SLC5A11: variants seen among roughly 807,000 people sequenced by gnomAD.
SLC5A11 encodes the protein solute carrier family 5 member 11, also known as sodium/myo-inositol cotransporter 2.
SLC5A11 carries 48 observed loss-of-function variants against 69.8 expected under a neutral mutation model. That is an observed-to-expected ratio of 0.69 (90% confidence interval 0.55 to 0.87). The LOEUF is 0.87. SLC5A11 is among the 40% of genes least tolerant of loss of function. The pLI, the probability that SLC5A11 is intolerant of heterozygous loss-of-function variation, is 0.00. For missense variants in SLC5A11, 784 were observed against 866.1 expected, an observed-to-expected ratio of 0.91 and a Z score of 1.19; for synonymous variants, 319 against 342.4, an observed-to-expected ratio of 0.93 and a Z score of 0.75.
intron 8 of SLC5A11, among the ~76,000 whole-genome samples, chr16:24,885,071 C>G (rs940089541): frequency 5.3e-5 from 8 of 152,158 alleles, no homozygotes; most frequent in Admixed American, 2.0e-4. Flanking sequence ...CACTAGCCCA[C>G]ACCTAGACTT....
intron 5 of SLC5A11, among the ~76,000 whole-genome samples, chr16:24,872,841 T>G (rs1214477156): frequency 6.7e-6 from 1 of 149,206 alleles, no homozygotes; most frequent in African/African-American, 2.5e-5. Context: ...TTTCTGCTTT[T>G]TGCTAAAAAA....
At chr16:24,882,533 TC>T (rs1453697684) in intron 7 of SLC5A11, among the ~76,000 whole-genome samples, 2 of 152,178 alleles carry the variant, frequency 1.3e-5, no homozygotes, top group Non-Finnish European at 2.9e-5. Flanking sequence ...TGGATAAGTG[TC>T]CCTTCTCCTC....
At chr16:24,902,440 T>G (rs1396252366) in intron 10 of SLC5A11, among the ~76,000 whole-genome samples, 1 of 152,154 alleles carries the variant, frequency 6.6e-6, no homozygotes, top group Non-Finnish European at 1.5e-5. Context: ...ATTCTAAAAC[T>G]TGACTCTTGT....
chr16:24,875,856 T>G, intron 6 of SLC5A11, 125 bp downstream of exon 7: 1 of 790,728 alleles, frequency 1.3e-6, no homozygotes, highest in Non-Finnish European at 2.1e-6. Context: ...TGCAGGGAGA[T>G]TAGAGGAAGA....
chr16:24,895,800 C>G (rs1895362), intron 9 of SLC5A11, among the ~76,000 whole-genome samples: 4,885 of 152,244 alleles, frequency 0.032, 271 homozygotes, highest in African/African-American at 0.11. Context: ...TTCACACTGT[C>G]CTTGAGCACA....
intron 3 of SLC5A11, among the ~76,000 whole-genome samples, chr16:24,868,021 C>T (rs112605062): frequency 0.03 from 4,524 of 151,522 alleles, 220 homozygotes; most frequent in African/African-American, 0.1. Context: ...CTTGTAATCC[C>T]GGCTACTCAG....
chr16:24,875,728 C>A (rs1397959526), exon 6 of SLC5A11: 4 of 1,613,006 alleles, frequency 2.5e-6, no homozygotes, highest in Non-Finnish European at 1.7e-6. Flanking sequence ...TCACCAAGAT[C>A]TCGGTAAGGC....
At chr16:24,904,041 A>C (rs1366745204) in intron 10 of SLC5A11, among the ~76,000 whole-genome samples, 1 of 152,228 alleles carries the variant, frequency 6.6e-6, no homozygotes, top group Non-Finnish European at 1.5e-5. Flanking sequence ...TGGTGGCAGG[A>C]GAGAGAAGTC....
intron 10 of SLC5A11, among the ~76,000 whole-genome samples, chr16:24,898,802 G>T (rs973196542): frequency 1.3e-5 from 2 of 152,076 alleles, no homozygotes; most frequent in African/African-American, 4.8e-5. Context: ...ACAGGCGTAA[G>T]CCACCATGCC....
intron 6 of SLC5A11, 60 bp from the exon 8 acceptor site, chr16:24,877,198 A>G: frequency 6.3e-7 from 1 of 1,597,800 alleles, no homozygotes; most frequent in Non-Finnish European, 8.5e-7. Flanking sequence ...CTGTGCTGCA[A>G]ATGTCCACTC....
chr16:24,906,962 C>T lies in SLC5A11; in HGVS notation c.1115-63C>T, dbSNP rs2050112526. 6 of 1,583,978 alleles carry T rather than the reference C, an allele frequency of 3.8e-6. No homozygotes were observed. In the Admixed American group the frequency reaches 8.8e-5, roughly 23 times the overall value. ...GAGGTTCTGCCTCCTCCAGTTGAGC[C>T]CACTGGGATCGGCTGCTTTGGCAGA... On this transcript the variant is annotated intron_variant, in intron 11 of 15. Transcript: ENST00000347898.
At chr16:24,848,036 G>C (rs950807159) in intron 1 of SLC5A11, among the ~76,000 whole-genome samples, 10 of 152,186 alleles carry the variant, frequency 6.6e-5, no homozygotes, top group African/African-American at 1.4e-4. Context: ...GAGGCCAAGA[G>C]GGGGCTCCTT....
At chr16:24,883,994 A>G in intron 7 of SLC5A11, 57 bp from the exon 9 acceptor site, 7 of 1,535,878 alleles carry the variant, frequency 4.6e-6, no homozygotes, top group Non-Finnish European at 6.3e-6. Context: ...TTGGTGACCC[A>G]GAGTAACCCC....
intron 5 of SLC5A11, among the ~76,000 whole-genome samples, chr16:24,875,017 G>A (rs991695214): frequency 3.9e-5 from 6 of 151,962 alleles, no homozygotes; most frequent in Non-Finnish European, 7.4e-5. Context: ...AATAGAGATG[G>A]GGTCTTACTG....
intron 1 of SLC5A11, among the ~76,000 whole-genome samples, chr16:24,850,967 C>T (rs1017256748): frequency 3.3e-5 from 5 of 151,678 alleles, no homozygotes; most frequent in African/African-American, 9.7e-5. Flanking sequence ...CCCACCACCA[C>T]GCCCTGCTAA....
intron 7 of SLC5A11, among the ~76,000 whole-genome samples, chr16:24,879,681 GT>G (rs2047916862): frequency 6.6e-6 from 1 of 152,180 alleles, no homozygotes; most frequent in Admixed American, 6.6e-5. Context: ...AGGTTGCAAG[GT>G]TGCAGTGAAT....
At chr16:24,897,914 T>C in intron 9 of SLC5A11, 60 bp from the exon 11 acceptor site, 10 of 1,582,808 alleles carry the variant, frequency 6.3e-6, no homozygotes, top group East Asian at 2.2e-5. Context: ...GAGATTTGGG[T>C]GGGGACACAA....
intron 9 of SLC5A11, among the ~76,000 whole-genome samples, chr16:24,896,905 T>C (rs1350255907): frequency 6.6e-6 from 1 of 151,144 alleles, no homozygotes; most frequent in East Asian, 1.9e-4. Context: ...CAGTTAGGAA[T>C]TGCGAAGGAG....
Position 24,846,133 on chromosome 16 carries a change from C to G in SLC5A11, c.-330C>G, listed in dbSNP as rs1394562073. 4 of 152,626 alleles carry G rather than the reference C, an allele frequency of 2.6e-5. No homozygotes were observed. The South Asian group carries it at 8.3e-4, about 32-fold the overall frequency. The allele number at this position is 152,626 out of a possible 1,614,324, so 9.5% of individuals were successfully genotyped here. A position where few individuals can be genotyped will look rare whatever the true frequency, so the allele number is the denominator to read the frequency against. On this transcript the variant is annotated 5_prime_UTR_variant, in exon 1 of 16. Transcript: ENST00000347898. ...TGTGGGCAGAGCGTGGGACATGTCA[C>G]CTTCCCCACCTGCTCAGAGTTCAAG...
Sources: allele counts gnomAD v4.1 joint callset (sites outside exome capture counted in the v4.1 genomes callset), GRCh38; gene constraint gnomAD v4.1.1; transcripts MANE v1.5; gene names NCBI Gene and HGNC (gene_info 2026-07-23, HGNC 2026-07-21).